ACOT8: variants seen among roughly 807,000 people sequenced by gnomAD.
The protein encoded by ACOT8 is acyl-coenzyme A thioesterase 8.
In ACOT8, 31 loss-of-function variants were observed where a neutral mutation model predicts 38.4. That is an observed-to-expected ratio of 0.81 (90% CI 0.61 to 1.09). The LOEUF (loss-of-function observed/expected upper bound fraction) is 1.09. ACOT8 is among the 50% of genes least tolerant of loss of function. The pLI, the probability that ACOT8 is intolerant of heterozygous loss-of-function variation, is 0.00. For missense variants in ACOT8, 373 were observed against 421.8 expected, an observed-to-expected ratio of 0.88 and a Z score of 1.01; for synonymous variants, 158 against 170.3, an observed-to-expected ratio of 0.93 and a Z score of 0.56.
intron 1 of ACOT8, 150 bp from the exon 2 acceptor site, chr20:45,855,442 C>G: frequency 1.7e-6 from 2 of 1,163,356 alleles, no homozygotes; most frequent in Non-Finnish European, 2.4e-6. Context: ...TTTCCCCAGG[C>G]AAATATCCTT....
At chr20:45,848,776 T>C in intron 2 of ACOT8, 101 bp from the exon 3 acceptor site, 1 of 1,092,830 alleles carries the variant, frequency 9.2e-7, no homozygotes, top group African/African-American at 1.6e-5. Context: ...TTCATCTCAG[T>C]GACTACTAAC....
chr20:45,853,960 C>T (rs769289460), intron 2 of ACOT8: 11 of 1,304,246 alleles, frequency 8.4e-6, no homozygotes, highest in South Asian at 4.9e-5. Flanking sequence ...TGGGGATCTA[C>T]GCAGAACACA....
chr20:45,846,580 A>G (rs887726513), intron 3 of ACOT8, among the ~76,000 whole-genome samples: 7 of 152,194 alleles, frequency 4.6e-5, no homozygotes, highest in Non-Finnish European at 8.8e-5. Flanking sequence ...AACACGAGAT[A>G]GAGACATTCT....
intron 2 of ACOT8, among the ~76,000 whole-genome samples, chr20:45,851,956 T>C (rs561584448): frequency 6.4e-4 from 98 of 152,128 alleles, no homozygotes; most frequent in Non-Finnish European, 1.2e-3. Flanking sequence ...CCCCATAACA[T>C]CTTTTATTTT....
At chr20:45,843,033 T>G (rs1470272866) in intron 5 of ACOT8, 6 of 1,129,514 alleles carry the variant, frequency 5.3e-6, no homozygotes, top group African/African-American at 1.6e-5. Flanking sequence ...CCCAATCAGG[T>G]TAATCAGAAT....
intron 1 of ACOT8, among the ~76,000 whole-genome samples, chr20:45,855,800 C>T (rs1985377986): frequency 6.6e-6 from 1 of 152,014 alleles, no homozygotes; most frequent in East Asian, 1.9e-4. Flanking sequence ...AACAAGAGCC[C>T]TCAGACATCA....
intron 5 of ACOT8, chr20:45,842,636 C>T: frequency 1.0e-6 from 1 of 992,964 alleles, no homozygotes; most frequent in Non-Finnish European, 1.2e-6. Context: ...TTGCTGGTTT[C>T]CCTTACACAT....
chr20:45,856,553 C>T (rs1985451593), intron 1 of ACOT8, among the ~76,000 whole-genome samples: 1 of 151,932 alleles, frequency 6.6e-6, no homozygotes, highest in South Asian at 2.1e-4. Flanking sequence ...CTGTGGCGCG[C>T]CTGTATGTCC....
At chr20:45,851,601 G>A (rs1250940324) in intron 2 of ACOT8, among the ~76,000 whole-genome samples, 2 of 152,146 alleles carry the variant, frequency 1.3e-5, no homozygotes, top group Admixed American at 1.3e-4. Context: ...GGACAGGAGG[G>A]TATGTTTTCT....
chr20:45,848,324 C>T, intron 3 of ACOT8, 126 bp downstream of exon 3: 1 of 866,188 alleles, frequency 1.2e-6, no homozygotes, highest in Non-Finnish European at 1.8e-6. Context: ...TTATTCACTC[C>T]AGTATCTTCT....
chr20:45,845,302 T>C (rs1274662537), intron 3 of ACOT8, among the ~76,000 whole-genome samples: 1 of 152,118 alleles, frequency 6.6e-6, no homozygotes, highest in African/African-American at 2.4e-5. Flanking sequence ...TTGGCCAGGG[T>C]GGTCTCGAAT....
chr20:45,843,828 C>T, intron 4 of ACOT8, 107 bp from the exon 5 acceptor site: 1 of 1,505,170 alleles, frequency 6.6e-7, no homozygotes, highest in South Asian at 1.3e-5. Flanking sequence ...AGACTGGTTG[C>T]TGCACAAGAG....
rs368111029 is a variant in ACOT8, at chr20:45,841,931, C to T, written c.867G>A (p.Gly289=). Residue 289 remains glycine, a synonymous_variant, in exon 6 of 6, where the codon GGG becomes GGA. Coordinates refer to ENST00000217455, the MANE Select transcript of ACOT8 (RefSeq NM_005469.4). ...WAGGSRGLVH[G]RLWRQDGVLA... ...GGACTCCATCCTGACGCCACAGCCG[C>T]CCATGGACCAGCCCCCGAGAGCCAC... is the stretch of plus-strand genomic sequence containing the variant. 7 of 1,613,248 alleles carry T rather than the reference C, an allele frequency of 4.3e-6. No homozygotes were observed. The highest frequency in any genetic ancestry group is 5.9e-6 in the Non-Finnish European group (7 of 1,179,974).
intron 2 of ACOT8, among the ~76,000 whole-genome samples, chr20:45,854,586 T>C (rs6130947): frequency 0.55 from 82,954 of 151,982 alleles, 23,803 homozygotes; most frequent in Admixed American, 0.64. Flanking sequence ...TAAAATACCC[T>C]TGGTCCCACC....
At chr20:45,856,051 C>T (rs1985402097) in intron 1 of ACOT8, among the ~76,000 whole-genome samples, 1 of 152,080 alleles carries the variant, frequency 6.6e-6, no homozygotes, top group South Asian at 2.1e-4. Context: ...ATCGCCTGAG[C>T]CCATGAGTTC....
At chr20:45,854,712 T>C (rs1357496213) in intron 2 of ACOT8, among the ~76,000 whole-genome samples, 1 of 152,132 alleles carries the variant, frequency 6.6e-6, no homozygotes, top group Non-Finnish European at 1.5e-5. Flanking sequence ...TTGGTTTGTT[T>C]TTATTGACCC....
intron 5 of ACOT8, 189 bp from the exon 6 acceptor site, chr20:45,842,145 A>G (rs949374111): frequency 4.6e-6 from 7 of 1,527,688 alleles, no homozygotes; most frequent in Non-Finnish European, 6.1e-6. Flanking sequence ...CCAACCTCCA[A>G]GTGGACTTCT....
intron 2 of ACOT8, among the ~76,000 whole-genome samples, chr20:45,854,310 C>T (rs1291196942): frequency 7.2e-6 from 1 of 138,764 alleles, no homozygotes; most frequent in Non-Finnish European, 1.7e-5. Flanking sequence ...TCCGGGTTCA[C>T]ACCATTCTCC....
At chr20:45,855,014 C>G in intron 2 of ACOT8, 145 bp downstream of exon 2, 2 of 1,186,606 alleles carry the variant, frequency 1.7e-6, no homozygotes, top group Non-Finnish European at 2.3e-6. Context: ...TCGTTCCACC[C>G]TAGACACCTC....
Sources: gnomAD v4.1 joint callset for allele counts (sites outside exome capture counted in the v4.1 genomes callset) on GRCh38, gnomAD v4.1.1 for gene constraint, MANE v1.5 for transcripts, NCBI Gene and HGNC (gene_info 2026-07-23, HGNC 2026-07-21) for gene names.